AGTR1: variants seen among roughly 807,000 people sequenced by gnomAD.
AGTR1 encodes the protein angiotensin II receptor type 1.
In AGTR1, 16 loss-of-function variants were observed where a neutral mutation model predicts 19.4. The ratio of observed to expected loss-of-function variants is 0.82; its 90% CI spans 0.56 to 1.25. AGTR1 has a LOEUF of 1.25. Among genes scored for constraint, AGTR1 ranks in the 50% most tolerant of loss-of-function variants. The pLI is 0.00. For missense variants in AGTR1, 373 were observed against 431.9 expected, an observed-to-expected ratio of 0.86 and a Z score of 1.21; for synonymous variants, 153 against 154.9, an observed-to-expected ratio of 0.99 and a Z score of 0.09.
Position 148,725,778 on chromosome 3 carries a change from C to T in AGTR1, c.-47-15211C>T, listed in dbSNP as rs910620961. Among the ~76,000 whole-genome samples, 18 of 152,154 alleles carry T rather than the reference C, an allele frequency of 1.2e-4. No homozygotes were observed. The East Asian group carries it at 2.5e-3, about 21-fold the overall frequency. ...GATTACATGCATGAGCCACCACACC[C>T]GGCCGGAGACAGGTTCTCCCTGACC... On this transcript the variant is annotated intron_variant, in intron 2 of 2. Transcript: ENST00000349243.
rs1713331734 is a variant in AGTR1 at position 148,716,879 on chromosome 3, GGTAGA to G, written c.-48+8855_-48+8859del. Among the ~76,000 whole-genome samples the G allele has an allele frequency of 6.6e-6, 1 of 152,016 alleles. No individual in the cohort carries two copies. On this transcript the variant is annotated intron_variant, in intron 2 of 2. Coordinates refer to ENST00000349243, the MANE Select transcript of AGTR1 (RefSeq NM_000685.5). The surrounding 1 kb of genome is among the most constrained non-coding windows in gnomAD (Gnocchi z 4.7). Reference sequence around the variant, plus strand: ...TTGTTTCAATGCAGTTATTTTGTCTGGTAGAGTCACAGAGTTAAGCTGTCATTCAG... The same window carrying G: ...TTGTTTCAATGCAGTTATTTTGTCTGGTCACAGAGTTAAGCTGTCATTCAG...
At chr3:148,726,886 A>C (rs1713976251) in intron 2 of AGTR1, among the ~76,000 whole-genome samples, 1 of 152,232 alleles carries the variant, frequency 6.6e-6, no homozygotes, top group African/African-American at 2.4e-5. Flanking sequence ...GTGTTTTCAT[A>C]GTAAGAGAAT....
chr3:148,699,031 A>G (rs1040089027), intron 1 of AGTR1, among the ~76,000 whole-genome samples: 1 of 151,640 alleles, frequency 6.6e-6, no homozygotes, highest in African/African-American at 2.4e-5. Context: ...TATTGAGCCC[A>G]CCTGGGCCTC....
At chr3:148,714,339 T>C (rs1576527857) in intron 2 of AGTR1, among the ~76,000 whole-genome samples, 2 of 149,858 alleles carry the variant, frequency 1.3e-5, no homozygotes, top group Admixed American at 6.6e-5. Flanking sequence ...TTAAAAAGAG[T>C]GTTTAGGGAA....
chr3:148,698,387 A>G (rs1297845913), intron 1 of AGTR1: 1 of 151,704 alleles, frequency 6.6e-6, no homozygotes, highest in Non-Finnish European at 1.5e-5. Context: ...TTTTAACCAA[A>G]CTCTTCCGAG....
Position 148,742,277 on chromosome 3 carries a change from G to C in AGTR1, c.*162G>C. On this transcript the variant is annotated 3_prime_UTR_variant, in exon 3 of 3. Transcript: ENST00000349243. Reference sequence around the variant, plus strand: ...GACTTTTCTAAAGCTCTGAACAAAAGCTTTTCTTTCCTTTTGCAACAAGAC... The same window carrying C: ...GACTTTTCTAAAGCTCTGAACAAAACCTTTTCTTTCCTTTTGCAACAAGAC... 3 of 1,048,900 alleles carry C rather than the reference G, an allele frequency of 2.9e-6. No homozygotes were observed. In the South Asian group the frequency reaches 3.8e-5, roughly 13 times the overall value. 65.0% of individuals were successfully genotyped at this position (1,048,900 alleles called of 1,614,324 possible). A position where few individuals can be genotyped will look rare whatever the true frequency, so the allele number is the denominator to read the frequency against.
intron 1 of AGTR1, among the ~76,000 whole-genome samples, chr3:148,706,536 C>T (rs527526046): frequency 3.3e-5 from 5 of 151,966 alleles, no homozygotes; most frequent in African/African-American, 9.6e-5. Context: ...AATGCTTATA[C>T]AGTAAAAAGT....
intron 1 of AGTR1, among the ~76,000 whole-genome samples, chr3:148,706,235 T>C (rs891730628): frequency 1.3e-5 from 2 of 152,126 alleles, no homozygotes; most frequent in Middle Eastern, 3.4e-3. Flanking sequence ...TGTGGTACAC[T>C]AGTGTCTCAC....
chr3:148,706,880 G>T (rs950700361), intron 1 of AGTR1, among the ~76,000 whole-genome samples: 1 of 151,866 alleles, frequency 6.6e-6, no homozygotes, highest in African/African-American at 2.4e-5. Flanking sequence ...CCTTAACGGA[G>T]GACATTTTAT....
At chr3:148,736,628 T>G (rs551498173) in intron 2 of AGTR1, among the ~76,000 whole-genome samples, 1 of 152,308 alleles carries the variant, frequency 6.6e-6, no homozygotes, top group East Asian at 1.9e-4. Flanking sequence ...TCATGTTTCC[T>G]ACAGATGAAA....
At chr3:148,706,945 G>C (rs1163375746) in intron 1 of AGTR1, among the ~76,000 whole-genome samples, 1 of 151,878 alleles carries the variant, frequency 6.6e-6, no homozygotes, top group African/African-American at 2.4e-5. Flanking sequence ...CAGTCTGTTA[G>C]AATTTATTAT....
rs777199756 is a variant in AGTR1, at chr3:148,741,320, C to T, written c.285C>T (p.Pro95=). The T allele has an allele frequency of 6.2e-7, 1 of 1,610,302 alleles. No individual in the cohort carries two copies. Among genetic ancestry groups the T allele is most frequent in the East Asian group, 2.2e-5 (1 of 44,888 alleles). ...ACACAGCTATGGAATACCGCTGGCC[C>T]TTTGGCAATTACCTATGTAAGATTG... ...AVYTAMEYRW[P]FGNYLCKIAS... Residue 95 remains proline, a synonymous_variant, in exon 3 of 3, where the codon CCC becomes CCT. Coordinates refer to ENST00000349243, the MANE Select transcript of AGTR1 (RefSeq NM_000685.5).
rs74768380 is a variant in AGTR1, at chr3:148,724,930, A to G, written c.-47-16059A>G. On this transcript the variant is annotated intron_variant, in intron 2 of 2. Transcript: ENST00000349243. ...TCACAAAGTCCTAATGAACTTCACAAATCTGCCTGCTCTATTCTGAGTACA... is the reference window on the plus strand; with the variant it reads ...TCACAAAGTCCTAATGAACTTCACAGATCTGCCTGCTCTATTCTGAGTACA... Among the ~76,000 whole-genome samples, 316 of 152,306 alleles carry G rather than the reference A, an allele frequency of 2.1e-3. 1 individual carries two copies. The highest frequency in any genetic ancestry group is 6.9e-3 in the African/African-American group (288 of 41,570).
intron 2 of AGTR1, among the ~76,000 whole-genome samples, chr3:148,717,791 A>G (rs1190511629): frequency 1.3e-5 from 2 of 152,222 alleles, no homozygotes; most frequent in African/African-American, 4.8e-5. Flanking sequence ...TGTAGTACAA[A>G]TTATTGTGCC....
intron 2 of AGTR1, among the ~76,000 whole-genome samples, chr3:148,715,735 T>A (rs2107940551): frequency 6.6e-6 from 1 of 152,316 alleles, no homozygotes; most frequent in South Asian, 2.1e-4. Flanking sequence ...TAAATCTAAG[T>A]AAATTGGTAA....
rs1064536 is a variant in AGTR1 at position 148,741,986 on chromosome 3, A to C, written c.951A>C (p.Leu317=). ...KKFKRYFLQL[L]KYIPPKAKSH... ...TTAAAAGATATTTTCTCCAGCTTCT[A>C]AAATATATTCCCCCAAAAGCCAAAT... The change falls in exon 3 of 3, where the codon CTA becomes CTC. Residue 317 remains leucine (L), a synonymous_variant. Transcript: ENST00000349243. 1.2e-6 allele frequency: 2 copies of C among 1,613,590 alleles called. No individual in the cohort carries two copies.
intron 1 of AGTR1, among the ~76,000 whole-genome samples, chr3:148,701,652 G>A (rs1306215182): frequency 6.6e-6 from 1 of 152,106 alleles, no homozygotes; most frequent in Non-Finnish European, 1.5e-5. Flanking sequence ...TGTTTTTATT[G>A]TGTTGTTAAT....
rs1712073275 is a variant in AGTR1, at chr3:148,698,086, AGCCG to A, written c.-169_-166del. 6.6e-6 allele frequency: 1 copy of A among 152,112 alleles called. No individual in the cohort carries two copies. Among genetic ancestry groups the A allele is most frequent in the Admixed American group, 6.5e-5 (1 of 15,272 alleles). 9.4% of individuals were successfully genotyped at this position (152,112 alleles called of 1,614,324 possible). A position where few individuals can be genotyped will look rare whatever the true frequency, so the allele number is the denominator to read the frequency against. On this transcript the variant is annotated 5_prime_UTR_variant, in exon 1 of 3. Transcript: ENST00000349243. ...GCGGGCGGGAGACCCGCACCAGCGC[AGCCG>A]GCCCTCGGCGGGACGTGACGCAGCG...
chr3:148,736,073 T>G (rs1311033743), intron 2 of AGTR1, among the ~76,000 whole-genome samples: 1 of 152,192 alleles, frequency 6.6e-6, no homozygotes, highest in Non-Finnish European at 1.5e-5. Context: ...ATGAACAATT[T>G]AATTAGATTG....
Sources: allele counts gnomAD v4.1 joint callset (sites outside exome capture counted in the v4.1 genomes callset), GRCh38; gene constraint gnomAD v4.1.1; non-coding constraint Gnocchi (gnomAD v3.1); transcripts MANE v1.5; gene names NCBI Gene and HGNC (gene_info 2026-07-23, HGNC 2026-07-21).